Variants in LPCAT3 observed in about 807,000 individuals in gnomAD.
LPCAT3 encodes the protein lysophospholipid acyltransferase 5.
Under a neutral mutation model 63.4 loss-of-function variants are expected in LPCAT3, and 21 were observed. The ratio of observed to expected loss-of-function variants is 0.33; its 90% confidence interval spans 0.23 to 0.48. The LOEUF (loss-of-function observed/expected upper bound fraction) is 0.48. Ranked by LOEUF, LPCAT3 falls within the 20% of genes least tolerant of loss-of-function variation. The probability of loss-of-function intolerance (pLI) is 0.99; values close to 1 mark genes in which losing one functional copy is unlikely to be tolerated. For missense variants in LPCAT3, 451 were observed against 590.6 expected (o/e 0.76, Z 2.45); for synonymous variants, 242 against 227.5 (o/e 1.06, Z -0.58).
At chr12:6,993,204 C>G (rs139449440) in intron 1 of LPCAT3, among the ~76,000 whole-genome samples, 2,217 of 152,072 alleles carry the variant, frequency 0.015, 28 homozygotes, top group Admixed American at 0.022. Flanking sequence ...CTTTGGGAGC[C>G]GGAGGAGGGC....
chr12:6,978,006 CCAGA>C (rs1351623599), intron 9 of LPCAT3: 2 of 565,310 alleles, frequency 3.5e-6, no homozygotes, highest in East Asian at 3.0e-5. Context: ...CAGTGGTGAA[CCAGA>C]CACTCTACTC....
At chr12:6,994,503 G>A (rs1358062094) in intron 1 of LPCAT3, among the ~76,000 whole-genome samples, 5 of 151,720 alleles carry the variant, frequency 3.3e-5, no homozygotes, top group African/African-American at 7.3e-5. Context: ...CCACCGGGCT[G>A]TTGCCCACGC....
In LPCAT3 at chr12:7,018,380, C is replaced by T. The variant is rs1946809984; in HGVS notation, c.45G>A (p.Leu15=). 1 of 1,612,336 alleles carries T rather than the reference C, an allele frequency of 6.2e-7. No individual in the cohort carries two copies. The highest frequency in any genetic ancestry group is 1.3e-5 in the African/African-American group (1 of 74,924). The part of the protein sequence containing the change: ...AEGDEGTVVA[L]AGVLQSGFQE... ...GGAAACCCGACTGCAGAACCCCCGCCAGCGCCACCACAGTCCCCTCGTCCC... is the reference window on the plus strand; with the variant it reads ...GGAAACCCGACTGCAGAACCCCCGCTAGCGCCACCACAGTCCCCTCGTCCC... Residue 15 remains leucine, a synonymous_variant, in exon 1 of 13, where the codon CTG becomes CTA. Transcript: ENST00000261407. This position sits in a 1 kb window ranked among gnomAD's most constrained non-coding sequence, Gnocchi z 4.9.
At chr12:6,997,997 G>A (rs1555156237) in intron 1 of LPCAT3, among the ~76,000 whole-genome samples, 1 of 152,034 alleles carries the variant, frequency 6.6e-6, no homozygotes, top group African/African-American at 2.4e-5. Flanking sequence ...TAAAGTGCTG[G>A]GCATAAGCCA....
Position 7,010,491 on chromosome 12 carries a change from T to G in LPCAT3, c.151+7783A>C, listed in dbSNP as rs782155299. Among the ~76,000 whole-genome samples the G allele has an allele frequency of 1.1e-3, 167 of 152,316 alleles. 1 individual carries two copies. Among genetic ancestry groups the G allele is most frequent in the Admixed American group, 2.4e-3 (36 of 15,294 alleles). On this transcript the variant is annotated intron_variant, in intron 1 of 12. Coordinates refer to ENST00000261407, the MANE Select transcript of LPCAT3 (RefSeq NM_005768.6). Reference sequence around the variant, plus strand: ...GTGCAGTGATGTGATCATGGCTCACTGCAGCCTTGACTTCTGGGGCTCTGG... The same window carrying G: ...GTGCAGTGATGTGATCATGGCTCACGGCAGCCTTGACTTCTGGGGCTCTGG...
intron 1 of LPCAT3, among the ~76,000 whole-genome samples, chr12:6,986,776 A>G (rs1946530385): frequency 7.1e-6 from 1 of 141,262 alleles, no homozygotes; most frequent in Non-Finnish European, 1.5e-5. Flanking sequence ...CAGCCTGGTG[A>G]CAGAGTGAGA....
rs1357177195 is a variant in LPCAT3, at chr12:6,986,585, C to A, written c.152-3046G>T. ...GGATCACGAGGTCAGGAAATCGAGA[C>A]CATCCTGGCTAACATGGTGAAATTC... On this transcript the variant is annotated intron_variant, in intron 1 of 12. Coordinates refer to ENST00000261407, the MANE Select transcript of LPCAT3 (RefSeq NM_005768.6). Among the ~76,000 whole-genome samples, 4 of 151,862 alleles carry A rather than the reference C, an allele frequency of 2.6e-5. No individual in the cohort carries two copies. In the South Asian group the frequency reaches 6.2e-4, roughly 24 times the overall value.
At position 6,981,057 on chromosome 12, in the gene LPCAT3, G is replaced by A. The variant is rs368963852; in HGVS notation, c.624C>T (p.Tyr208=). 5.6e-6 allele frequency: 9 copies of A among 1,612,566 alleles called. No homozygotes were observed. Among genetic ancestry groups the A allele is most frequent in the African/African-American group, 1.3e-5 (1 of 74,830 alleles). Reference sequence around the variant, plus strand: ...TCAGCTCTCCCTGCACCAGCTTCATGTAGTGATTCATTGAGAACTGGGGCC... The same window carrying A: ...TCAGCTCTCCCTGCACCAGCTTCATATAGTGATTCATTGAGAACTGGGGCC... ...LVGPQFSMNH[Y]MKLVQGELID... is the part of the protein sequence containing the mutation. Residue 208 remains tyrosine (Y), a synonymous_variant, in exon 6 of 13, where the codon TAC becomes TAT. Transcript: ENST00000261407.
At position 6,981,883 on chromosome 12, in the gene LPCAT3, A is replaced by G; in HGVS notation, c.388T>C (p.Tyr130His). ...TCGTAGTTGCCGGTGGCAGTGTAAT[A>G]GTATCCAGCCAGAAGGTAGGCCTAG... ...FQMAYLLAGY[Y>H]YTATGNYDIK... Residue 130 changes from tyrosine to histidine, a missense_variant, in exon 4 of 13, where the codon TAT becomes CAT. Transcript: ENST00000261407. 6 of 1,611,568 alleles carry G rather than the reference A, an allele frequency of 3.7e-6. No individual in the cohort carries two copies. The highest frequency in any genetic ancestry group is 5.1e-6 in the Non-Finnish European group (6 of 1,177,634).
In LPCAT3 at chr12:6,994,359, C is replaced by T. The variant is rs782213673; in HGVS notation, c.152-10820G>A. 8.6e-5 allele frequency among the ~76,000 whole-genome samples: 13 copies of T among 151,836 alleles called. No individual in the cohort carries two copies. In the South Asian group the frequency reaches 2.5e-3, roughly 29 times the overall value. On this transcript the variant is annotated intron_variant, in intron 1 of 12. Coordinates refer to ENST00000261407, the MANE Select transcript of LPCAT3 (RefSeq NM_005768.6). The stretch of plus-strand genomic sequence containing the variant: ...AGTAGCTGGGATTACAGGTGTGCAC[C>T]ACCATGCCCAGCTAATTTTTGTATT...
intron 1 of LPCAT3, among the ~76,000 whole-genome samples, chr12:7,010,931 G>A (rs1211006423): frequency 6.6e-6 from 1 of 152,090 alleles, no homozygotes; most frequent in Non-Finnish European, 1.5e-5. Context: ...TCAAATTCCT[G>A]GGCTCAAATG....
At position 7,018,179 on chromosome 12, in the gene LPCAT3, G is replaced by A. The variant is rs1185469036; in HGVS notation, c.151+95C>T. ...CACCCGCACCCGGCACAGCCCTCCC[G>A]GGTGGCTCCGGGAAGAGAGGGAGGT... On this transcript the variant is annotated intron_variant, in intron 1 of 12. Transcript: ENST00000261407. The surrounding 1 kb of genome is among the most constrained non-coding windows in gnomAD (Gnocchi z 4.9). 6 of 1,453,808 alleles carry A rather than the reference G, an allele frequency of 4.1e-6. No individual in the cohort carries two copies. The highest frequency in any genetic ancestry group is 2.5e-5 in the South Asian group (2 of 81,414). 90.1% of individuals were successfully genotyped at this position (1,453,808 alleles called of 1,614,324 possible).
rs1423721738 is a variant in LPCAT3, at chr12:6,981,988, C to G, written c.367-84G>C. 3.9e-6 allele frequency: 3 copies of G among 776,876 alleles called. No homozygotes were observed. The South Asian group carries it at 4.5e-5, about 12-fold the overall frequency. 48.1% of individuals were successfully genotyped at this position (776,876 alleles called of 1,614,324 possible). Reference sequence around the variant, plus strand: ...AATTCAATGTTCTCTTTCCTTTTTCCTTTCTCCTCATCCCATCATTAAAAG... The same window carrying G: ...AATTCAATGTTCTCTTTCCTTTTTCGTTTCTCCTCATCCCATCATTAAAAG... On this transcript the variant is annotated intron_variant, in intron 3 of 12. Coordinates refer to ENST00000261407, the MANE Select transcript of LPCAT3 (RefSeq NM_005768.6).
Position 6,977,960 on chromosome 12 carries a change from T to C in LPCAT3, c.1041-215A>G, listed in dbSNP as rs1946427398. The C allele has an allele frequency of 3.4e-6, 2 of 590,494 alleles. No homozygotes were observed. Among genetic ancestry groups the C allele is most frequent in the Non-Finnish European group, 6.0e-6 (2 of 336,060 alleles). 36.6% of individuals were successfully genotyped at this position (590,494 alleles called of 1,614,324 possible). A position where few individuals can be genotyped will look rare whatever the true frequency, so the allele number is the denominator to read the frequency against. On this transcript the variant is annotated intron_variant, in intron 9 of 12. Transcript: ENST00000261407. The surrounding 1 kb of genome is among the most constrained non-coding windows in gnomAD (Gnocchi z 4.5). The stretch of plus-strand genomic sequence containing the variant: ...GGAGACCGTGTGCGCACGAGCCACT[T>C]GGTTCAGCAGCAGTGACTGAGGCTG...
chr12:7,001,059 A>T (rs1283504227), intron 1 of LPCAT3, among the ~76,000 whole-genome samples: 1 of 152,128 alleles, frequency 6.6e-6, no homozygotes, highest in African/African-American at 2.4e-5. Context: ...TCAGGCTCAG[A>T]AATTTGAGCC....
chr12:6,976,289 G>A lies in LPCAT3; in HGVS notation c.*615C>T, dbSNP rs782131664. Reference sequence around the variant, plus strand: ...CCCTCTCCACCCCCCCATGGGGGGGGTGGTGGTAGCGGCACATACACAATC... The same window carrying A: ...CCCTCTCCACCCCCCCATGGGGGGGATGGTGGTAGCGGCACATACACAATC... On this transcript the variant is annotated 3_prime_UTR_variant, in exon 13 of 13. Coordinates refer to ENST00000261407, the MANE Select transcript of LPCAT3 (RefSeq NM_005768.6). 1.3e-5 allele frequency: 2 copies of A among 154,276 alleles called. No individual in the cohort carries two copies. Among genetic ancestry groups the A allele is most frequent in the Non-Finnish European group, 2.9e-5 (2 of 69,402 alleles). The allele number at this position is 154,276 out of a possible 1,614,324, so 9.6% of individuals were successfully genotyped here. A position where few individuals can be genotyped will look rare whatever the true frequency, so the allele number is the denominator to read the frequency against.
intron 5 of LPCAT3, 88 bp from the exon 6 acceptor site, chr12:6,981,270 C>G: frequency 9.2e-7 from 1 of 1,087,806 alleles, no homozygotes; most frequent in Non-Finnish European, 1.3e-6. Flanking sequence ...GTGTGCCCCA[C>G]TGACTGGGGT....
chr12:6,977,276 G>A lies in LPCAT3; in HGVS notation c.1348-14C>T, dbSNP rs782122398. The A allele has an allele frequency of 3.5e-5, 57 of 1,611,208 alleles. No homozygotes were observed. In the East Asian group the frequency reaches 1.2e-3, roughly 33 times the overall value. The stretch of plus-strand genomic sequence containing the variant: ...GGATTTATACACCTGTGGAGAGAGA[G>A]GCCACTAAGGTAGACAGGCCTGGAG... On this transcript the variant is annotated splice_polypyrimidine_tract_variant and intron_variant, in intron 11 of 12. Transcript: ENST00000261407. The surrounding 1 kb of genome is among the most constrained non-coding windows in gnomAD (Gnocchi z 4.5).
intron 1 of LPCAT3, among the ~76,000 whole-genome samples, chr12:7,003,928 C>CAAAAAAA (rs781922909): frequency 1.6e-5 from 1 of 63,434 alleles, no homozygotes; most frequent in Non-Finnish European, 3.3e-5. Context: ...GACTCCGTCT[C>CAAAAAAA]AAAAAAAAAA....
Sources: gnomAD v4.1 joint callset for allele counts (sites outside exome capture counted in the v4.1 genomes callset) on GRCh38, gnomAD v4.1.1 for gene constraint, Gnocchi (gnomAD v3.1) non-coding constraint, MANE v1.5 for transcripts, NCBI Gene and HGNC (gene_info 2026-07-23, HGNC 2026-07-21) for gene names.